CEP63: variants seen among roughly 807,000 people sequenced by gnomAD.
The protein encoded by CEP63 is centrosomal protein 63.
A neutral mutation model predicts 89.1 loss-of-function variants in CEP63; 84 were observed. The observed-to-expected ratio is 0.94, with a 90% CI of 0.79 to 1.13. The LOEUF (loss-of-function observed/expected upper bound fraction) is 1.13. Among genes scored for constraint, CEP63 ranks in the 50% most tolerant of loss-of-function variants. The pLI is 0.00. For synonymous variants in CEP63, 267 were observed against 272.5 expected (o/e 0.98, Z 0.20); for missense variants, 838 against 813.3 (o/e 1.03, Z -0.37).
chr3:134,778,970 G>A, the CEP63 span, among the ~76,000 whole-genome samples: 3 of 152,318 alleles, frequency 2.0e-5, no homozygotes, highest in African/African-American at 4.8e-5. Flanking sequence ...GTAATTTATA[G>A]AAGTGCCCAG....
chr3:134,722,095 T>G, the CEP63 span, among the ~76,000 whole-genome samples: 2 of 152,170 alleles, frequency 1.3e-5, no homozygotes, highest in African/African-American at 4.8e-5. Flanking sequence ...TGAATCCCTC[T>G]GGGCTTGGGC....
intron 11 of CEP63, among the ~76,000 whole-genome samples, chr3:134,572,891 C>T (rs1334517325): frequency 6.6e-6 from 1 of 152,112 alleles, no homozygotes; most frequent in Non-Finnish European, 1.5e-5. Context: ...TAAAGCATTC[C>T]CTTTTCTCTG....
At chr3:134,619,213 A>C in the CEP63 span, 1 of 1,613,966 alleles carries the variant, frequency 6.2e-7, no homozygotes, top group Admixed American at 1.7e-5. Flanking sequence ...GCAGGATGTC[A>C]GTGGGTTTGA....
At chr3:134,594,492 C>T in the CEP63 span, among the ~76,000 whole-genome samples, 3 of 152,134 alleles carry the variant, frequency 2.0e-5, no homozygotes, top group South Asian at 2.1e-4. Flanking sequence ...CGGATTCCCC[C>T]GAGAAGAACG....
the CEP63 span, among the ~76,000 whole-genome samples, chr3:134,691,617 C>CA: frequency 3.6e-3 from 532 of 147,970 alleles, 2 homozygotes; most frequent in African/African-American, 8.8e-3. Flanking sequence ...GATCTTGTCT[C>CA]AAAAAAAAAA....
intron 11 of CEP63, among the ~76,000 whole-genome samples, chr3:134,574,145 A>C (rs1958130090): frequency 6.6e-6 from 1 of 152,212 alleles, no homozygotes; most frequent in African/African-American, 2.4e-5. Context: ...CTCTGTGGAC[A>C]AGGGGCCTAT....
At chr3:134,486,397 C>T (rs375849092) in intron 1 of CEP63, 195 bp downstream of exon 1, 2 of 985,514 alleles carry the variant, frequency 2.0e-6, no homozygotes, top group African/African-American at 3.5e-5. Context: ...TCCCCGCCGG[C>T]TTGGGTCCGC....
chr3:134,524,317 C>G (rs1948170712), intron 3 of CEP63, among the ~76,000 whole-genome samples: 1 of 152,148 alleles, frequency 6.6e-6, no homozygotes, highest in Admixed American at 6.5e-5. Flanking sequence ...GATAGAGGAT[C>G]ATGTCGTCTA....
At chr3:134,733,864 C>T in the CEP63 span, among the ~76,000 whole-genome samples, 2 of 150,718 alleles carry the variant, frequency 1.3e-5, no homozygotes, top group South Asian at 2.1e-4. Context: ...CTCTAGGAAA[C>T]GCATGTAGAT....
At chr3:134,640,105 C>T in the CEP63 span, among the ~76,000 whole-genome samples, 49,919 of 151,754 alleles carry the variant, frequency 0.33, 8,532 homozygotes, top group African/African-American at 0.37. Flanking sequence ...GTTCCTTTGC[C>T]ACCTGTTGCA....
chr3:134,666,933 G>T, the CEP63 span, among the ~76,000 whole-genome samples: 3 of 152,146 alleles, frequency 2.0e-5, no homozygotes, highest in Admixed American at 1.3e-4. Flanking sequence ...TAGAATCTGG[G>T]TCTGTTTTAC....
intron 9 of CEP63, 45 bp downstream of exon 9, chr3:134,547,517 T>C (rs759572908): frequency 6.5e-7 from 1 of 1,541,624 alleles, no homozygotes; most frequent in Non-Finnish European, 8.9e-7. Flanking sequence ...GTTGTTAAAA[T>C]GAATTTTTGA....
chr3:134,680,870 G>A, the CEP63 span, among the ~76,000 whole-genome samples: 1 of 152,226 alleles, frequency 6.6e-6, no homozygotes, highest in Admixed American at 6.5e-5. Context: ...TGCTATTCAA[G>A]TCTGTTTAGA....
the CEP63 span, among the ~76,000 whole-genome samples, chr3:134,604,639 A>G: frequency 6.6e-6 from 1 of 152,302 alleles, no homozygotes; most frequent in Admixed American, 6.5e-5. Flanking sequence ...AGCAACCAAT[A>G]TGACTTCACT....
the CEP63 span, among the ~76,000 whole-genome samples, chr3:134,683,597 C>A: frequency 1.3e-5 from 2 of 152,132 alleles, no homozygotes; most frequent in Non-Finnish European, 2.9e-5. Context: ...AGTCAAAAAT[C>A]AAGACTATAT....
chr3:134,611,467 G>A, the CEP63 span, among the ~76,000 whole-genome samples: 4 of 152,228 alleles, frequency 2.6e-5, no homozygotes, highest in Non-Finnish European at 4.4e-5. Flanking sequence ...CAATTTCACT[G>A]CTAGTCTGAC....
chr3:134,487,388 A>G (rs908675362), intron 1 of CEP63, among the ~76,000 whole-genome samples: 2 of 152,242 alleles, frequency 1.3e-5, no homozygotes, highest in African/African-American at 4.8e-5. Context: ...GCCTTTTAAA[A>G]TGTATGTAGA....
chr3:134,582,284 C>A (rs1487846782), intron 10 of CEP63, among the ~76,000 whole-genome samples: 1 of 152,152 alleles, frequency 6.6e-6, no homozygotes, highest in Admixed American at 6.5e-5. Context: ...CACCCATCAA[C>A]TCATCATTTA....
intron 1 of CEP63, among the ~76,000 whole-genome samples, chr3:134,495,077 C>T (rs186551499): frequency 2.0e-5 from 3 of 152,246 alleles, no homozygotes; most frequent in South Asian, 2.1e-4. Flanking sequence ...GAGTGTCAAC[C>T]GCAATTCAGA....
Sources: allele counts gnomAD v4.1 joint callset (sites outside exome capture counted in the v4.1 genomes callset), GRCh38; gene constraint gnomAD v4.1.1; transcripts MANE v1.5; gene names NCBI Gene and HGNC (gene_info 2026-07-23, HGNC 2026-07-21).